ZNF804B: variants seen among roughly 807,000 people sequenced by gnomAD.
ZNF804B encodes the protein zinc finger 804B.
ZNF804B carries 80 observed loss-of-function variants against 101.4 expected under a neutral mutation model. The ratio of observed to expected loss-of-function variants is 0.79; its 90% CI spans 0.66 to 0.95. ZNF804B has a LOEUF of 0.95. Ranked by LOEUF, ZNF804B falls within the 40% of genes least tolerant of loss-of-function variation. The pLI is 0.00. For missense variants in ZNF804B, 1,673 were observed against 1,561.9 expected, an observed-to-expected ratio of 1.07 and a Z score of -1.20; for synonymous variants, 622 against 558.8, an observed-to-expected ratio of 1.11 and a Z score of -1.59.
chr7:88,941,411 G>A (rs538208228), intron 1 of ZNF804B, among the ~76,000 whole-genome samples: 1 of 152,034 alleles, frequency 6.6e-6, no homozygotes, highest in East Asian at 1.9e-4. Context: ...ATTTAGATAA[G>A]GGAATATTAT....
At chr7:88,946,788 T>C (rs977853530) in intron 1 of ZNF804B, among the ~76,000 whole-genome samples, 3 of 151,996 alleles carry the variant, frequency 2.0e-5, no homozygotes, top group Non-Finnish European at 2.9e-5. Flanking sequence ...GAACTTGTTA[T>C]TGGTCTCTTC....
chr7:88,926,788 A>T (rs1792806453), intron 1 of ZNF804B, among the ~76,000 whole-genome samples: 1 of 152,018 alleles, frequency 6.6e-6, no homozygotes, highest in Admixed American at 6.6e-5. Flanking sequence ...CTGCTAGGTG[A>T]TTTTCCTAAG....
chr7:88,959,574 A>G (rs1462314388), intron 1 of ZNF804B, among the ~76,000 whole-genome samples: 3 of 151,208 alleles, frequency 2.0e-5, no homozygotes, highest in African/African-American at 7.3e-5. Context: ...TTCTCCTTCT[A>G]AGCTCTTCCT....
At chr7:89,250,950 A>G (rs1474226817) in intron 2 of ZNF804B, among the ~76,000 whole-genome samples, 5 of 152,212 alleles carry the variant, frequency 3.3e-5, no homozygotes, top group African/African-American at 1.2e-4. Context: ...TCAAAATAAT[A>G]AGAGCCATCT....
At chr7:89,071,561 G>A (rs1388867258) in intron 1 of ZNF804B, among the ~76,000 whole-genome samples, 1 of 152,012 alleles carries the variant, frequency 6.6e-6, no homozygotes. Context: ...CAATCACGGG[G>A]ATAATCAGTA....
At chr7:88,795,744 C>T (rs1037818205) in intron 1 of ZNF804B, 1 of 152,120 alleles carries the variant, frequency 6.6e-6, no homozygotes, top group African/African-American at 2.4e-5. Flanking sequence ...TCTCAGCTGT[C>T]CTGTGTTCTG....
At chr7:89,147,167 A>G (rs1391935848) in intron 1 of ZNF804B, among the ~76,000 whole-genome samples, 1 of 151,422 alleles carries the variant, frequency 6.6e-6, no homozygotes, top group Admixed American at 6.6e-5. Context: ...TATACATTTA[A>G]TGTTTAAAAA....
At chr7:89,195,579 C>G (rs1295806719) in intron 1 of ZNF804B, among the ~76,000 whole-genome samples, 2 of 151,388 alleles carry the variant, frequency 1.3e-5, no homozygotes, top group African/African-American at 2.4e-5. Context: ...TGAGTGAACT[C>G]CCATTCACAA....
At chr7:89,086,660 A>G (rs1487020912) in intron 1 of ZNF804B, among the ~76,000 whole-genome samples, 3 of 152,024 alleles carry the variant, frequency 2.0e-5, no homozygotes, top group Non-Finnish European at 4.4e-5. Context: ...TTTAACAATC[A>G]TATTTGGCAA....
chr7:88,819,725 A>G (rs907524981), intron 1 of ZNF804B, among the ~76,000 whole-genome samples: 3 of 152,220 alleles, frequency 2.0e-5, no homozygotes, highest in African/African-American at 7.2e-5. Context: ...ATGAATTGCT[A>G]GGTAGAAAGT....
At chr7:88,845,271 ATGTGTGCG>A in intron 1 of ZNF804B, among the ~76,000 whole-genome samples, 1 of 147,418 alleles carries the variant, frequency 6.8e-6, no homozygotes, top group African/African-American at 2.6e-5. Flanking sequence ...ACATATGCGC[ATGTGTGCG>A]CACGCGCGCG....
At chr7:88,955,471 A>G (rs1053807041) in intron 1 of ZNF804B, among the ~76,000 whole-genome samples, 48 of 151,812 alleles carry the variant, frequency 3.2e-4, no homozygotes, top group African/African-American at 1.2e-3. Context: ...CCTGGTGTGT[A>G]TATTTCAATC....
At chr7:88,897,093 T>C (rs571757773) in intron 1 of ZNF804B, among the ~76,000 whole-genome samples, 2 of 152,308 alleles carry the variant, frequency 1.3e-5, no homozygotes, top group African/African-American at 4.8e-5. Flanking sequence ...TGCGATAGAC[T>C]GACTGATGCC....
At chr7:88,925,255 A>G (rs745538096) in intron 1 of ZNF804B, among the ~76,000 whole-genome samples, 1 of 152,058 alleles carries the variant, frequency 6.6e-6, no homozygotes, top group Non-Finnish European at 1.5e-5. Context: ...TACACACTCC[A>G]ATCTCAGGCC....
intron 1 of ZNF804B, among the ~76,000 whole-genome samples, chr7:89,097,119 A>G (rs144390713): frequency 7.2e-5 from 11 of 152,320 alleles, no homozygotes; most frequent in African/African-American, 2.6e-4. Context: ...TTAATGGGAT[A>G]CGTGCAGCTG....
chr7:89,072,181 G>A (rs938858399), intron 1 of ZNF804B, among the ~76,000 whole-genome samples: 6 of 152,086 alleles, frequency 3.9e-5, no homozygotes, highest in African/African-American at 1.4e-4. Flanking sequence ...GAGATCACTT[G>A]GCAAAGGAGA....
chr7:88,864,024 C>A (rs774800608), intron 1 of ZNF804B, among the ~76,000 whole-genome samples: 1 of 152,190 alleles, frequency 6.6e-6, no homozygotes, highest in Non-Finnish European at 1.5e-5. Context: ...GTCTTCTCTC[C>A]TGCTCTCTGC....
chr7:89,265,967 G>T (rs1168484873), intron 2 of ZNF804B, among the ~76,000 whole-genome samples: 2 of 152,204 alleles, frequency 1.3e-5, no homozygotes, highest in Non-Finnish European at 1.5e-5. Flanking sequence ...AGACAGCTCA[G>T]CTAATTGAAG....
chr7:88,933,473 C>A (rs530630258), intron 1 of ZNF804B, among the ~76,000 whole-genome samples: 1 of 151,916 alleles, frequency 6.6e-6, no homozygotes, highest in East Asian at 1.9e-4. Context: ...AAAGGGCATC[C>A]AAATTTGAAA....
Sources: gnomAD v4.1 joint callset for allele counts (sites outside exome capture counted in the v4.1 genomes callset) on GRCh38, gnomAD v4.1.1 for gene constraint, MANE v1.5 for transcripts, NCBI Gene and HGNC (gene_info 2026-07-23, HGNC 2026-07-21) for gene names.